The following MYOCD variants were observed in gnomAD, a reference collection of about 807,000 sequenced individuals.
MYOCD encodes myocardin.
MYOCD carries 32 observed loss-of-function variants against 96.1 expected under a neutral mutation model. That is an observed-to-expected ratio of 0.33 (90% CI 0.25 to 0.45). MYOCD has a LOEUF of 0.45. Ranked by LOEUF, MYOCD falls within the 20% of genes least tolerant of loss-of-function variation. The probability of loss-of-function intolerance (pLI) is 1.00; values close to 1 mark genes in which losing one functional copy is unlikely to be tolerated. For missense variants in MYOCD, 1,133 were observed against 1,200.6 expected, an observed-to-expected ratio of 0.94 and a Z score of 0.83; for synonymous variants, 469 against 469.0, an observed-to-expected ratio of 1.00 and a Z score of 0.00.
chr17:12,731,994 C>T (rs1022665848), intron 5 of MYOCD, among the ~76,000 whole-genome samples: 7 of 152,126 alleles, frequency 4.6e-5, no homozygotes, highest in Admixed American at 2.6e-4. Context: ...GACAGGGGCC[C>T]CCATGGTGAG....
chr17:12,676,515 T>G (rs1234629376), intron 1 of MYOCD, among the ~76,000 whole-genome samples: 2 of 152,086 alleles, frequency 1.3e-5, no homozygotes, highest in Non-Finnish European at 2.9e-5. Flanking sequence ...TGATTACAAT[T>G]ATCCAGTATC....
At position 12,744,288 on chromosome 17, in the gene MYOCD, G is replaced by T. The variant is rs1416174236; in HGVS notation, c.823G>T (p.Ala275Ser). The T allele has an allele frequency of 6.2e-7, 1 of 1,614,052 alleles. No individual in the cohort carries two copies. Among genetic ancestry groups the T allele is most frequent in the African/African-American group, 1.3e-5 (1 of 74,904 alleles). ...CCAGTACATTCCCCCAGACCAGAAG[G>T]CAGAGAAGTCCCCTCCACCTATGGA... ...YHQYIPPDQKAEKSPPPMDSA... is the reference protein window; with the variant it reads ...YHQYIPPDQKSEKSPPPMDSA... Residue 275 changes from alanine (A) to serine (S), a missense_variant, in exon 8 of 14, where the codon GCA becomes TCA. Coordinates refer to ENST00000425538, the MANE Select transcript of MYOCD (RefSeq NM_001146312.3).
intron 2 of MYOCD, among the ~76,000 whole-genome samples, chr17:12,710,119 C>A (rs531230445): frequency 6.6e-6 from 1 of 152,270 alleles, no homozygotes; most frequent in African/African-American, 2.4e-5. Flanking sequence ...ATTTAATCAT[C>A]CCATTTAATG....
At chr17:12,723,725 A>G (rs958175090) in intron 5 of MYOCD, among the ~76,000 whole-genome samples, 1 of 152,190 alleles carries the variant, frequency 6.6e-6, no homozygotes, top group African/African-American at 2.4e-5. Context: ...TCAGGGAGAA[A>G]GGGGAGCTTA....
intron 4 of MYOCD, among the ~76,000 whole-genome samples, chr17:12,718,523 T>C (rs76495548): frequency 3.2e-4 from 48 of 152,372 alleles, no homozygotes; most frequent in African/African-American, 9.4e-4. Flanking sequence ...CTGGAAATTG[T>C]GAACCTTGGT....
chr17:12,679,092 C>G (rs1910287305), intron 1 of MYOCD, among the ~76,000 whole-genome samples: 1 of 152,156 alleles, frequency 6.6e-6, no homozygotes, highest in Non-Finnish European at 1.5e-5. Context: ...ACCACATGGT[C>G]CCCCAGAGAA....
chr17:12,712,674 C>CT (rs2150680508), intron 2 of MYOCD, among the ~76,000 whole-genome samples: 1 of 152,320 alleles, frequency 6.6e-6, no homozygotes, highest in South Asian at 2.1e-4. Flanking sequence ...CAACAAAACT[C>CT]TGAGGCAAGA....
intron 4 of MYOCD, among the ~76,000 whole-genome samples, chr17:12,719,493 T>C (rs974076339): frequency 1.3e-5 from 2 of 151,886 alleles, no homozygotes; most frequent in Non-Finnish European, 2.9e-5. Flanking sequence ...TGTCTAACAA[T>C]AGAGGATTGG....
chr17:12,746,312 T>C (rs1023244439), intron 9 of MYOCD, among the ~76,000 whole-genome samples: 1 of 152,124 alleles, frequency 6.6e-6, no homozygotes, highest in Admixed American at 6.5e-5. Context: ...AAAAGGAATT[T>C]ATTTCTCACA....
At chr17:12,722,311 C>A (rs2031862353) in intron 4 of MYOCD, among the ~76,000 whole-genome samples, 1 of 152,196 alleles carries the variant, frequency 6.6e-6, no homozygotes. Context: ...TGGATGAATT[C>A]AACTTTTAAA....
chr17:12,754,007 G>A (rs989275281), intron 10 of MYOCD, among the ~76,000 whole-genome samples: 4 of 151,822 alleles, frequency 2.6e-5, no homozygotes, highest in Admixed American at 2.0e-4. Flanking sequence ...CAATTTCAAA[G>A]TTAATTATGT....
chr17:12,737,358 G>A (rs2032376697), intron 6 of MYOCD, among the ~76,000 whole-genome samples: 1 of 152,180 alleles, frequency 6.6e-6, no homozygotes. Flanking sequence ...CATCACAAAA[G>A]TTTCCTCATT....
chr17:12,669,818 C>T (rs987351703), intron 1 of MYOCD, among the ~76,000 whole-genome samples: 3 of 152,130 alleles, frequency 2.0e-5, no homozygotes, highest in African/African-American at 7.2e-5. Flanking sequence ...CAGGGTTTCA[C>T]CATGTTGGCC....
intron 1 of MYOCD, among the ~76,000 whole-genome samples, chr17:12,688,264 G>T (rs944060118): frequency 9.9e-5 from 15 of 152,274 alleles, no homozygotes; most frequent in Admixed American, 8.5e-4. Context: ...ACTGAAGCAT[G>T]GATGGGCAAT....
At chr17:12,755,241 ATAC>A (rs1267779133) in intron 10 of MYOCD, among the ~76,000 whole-genome samples, 3 of 152,206 alleles carry the variant, frequency 2.0e-5, no homozygotes, top group Non-Finnish European at 2.9e-5. Context: ...AGTACTGATG[ATAC>A]TGCTGCTAAC....
intron 1 of MYOCD, among the ~76,000 whole-genome samples, 154 bp downstream of exon 1, chr17:12,666,397 A>C (rs1909377698): frequency 1.3e-5 from 2 of 152,104 alleles, no homozygotes. Flanking sequence ...GTTTTGTTTG[A>C]CTTTGGGGGC....
chr17:12,745,399 G>A (rs1260199051), intron 8 of MYOCD, among the ~76,000 whole-genome samples: 1 of 152,014 alleles, frequency 6.6e-6, no homozygotes, highest in East Asian at 1.9e-4. Flanking sequence ...AGTAGAGACA[G>A]GGTCTCTCCA....
At chr17:12,694,873 G>C (rs2030660441) in intron 1 of MYOCD, among the ~76,000 whole-genome samples, 1 of 87,882 alleles carries the variant, frequency 1.1e-5, no homozygotes, top group South Asian at 2.9e-4. Context: ...AATGACTTAA[G>C]GAATAACCAA....
intron 7 of MYOCD, among the ~76,000 whole-genome samples, chr17:12,739,756 C>T (rs1041963372): frequency 4.6e-5 from 7 of 152,094 alleles, no homozygotes; most frequent in South Asian, 4.1e-4. Flanking sequence ...GCCAGTCTTC[C>T]TATGGAAATA....
Sources: allele counts gnomAD v4.1 joint callset (sites outside exome capture counted in the v4.1 genomes callset), GRCh38; gene constraint gnomAD v4.1.1; transcripts MANE v1.5; gene names NCBI Gene and HGNC (gene_info 2026-07-23, HGNC 2026-07-21).